Variants in TNKS1BP1 observed in about 807,000 individuals in gnomAD.
The protein encoded by TNKS1BP1 is 182 kDa tankyrase-1-binding protein.
TNKS1BP1 carries 48 observed loss-of-function variants against 141.1 expected under a neutral mutation model. The observed-to-expected ratio is 0.34, with a 90% CI of 0.27 to 0.43. The LOEUF is 0.43. Ranked by LOEUF, TNKS1BP1 falls within the 20% of genes least tolerant of loss-of-function variation. The pLI is 1.00. For missense variants in TNKS1BP1, 2,149 were observed against 2,226.0 expected, an observed-to-expected ratio of 0.97 and a Z score of 0.70; for synonymous variants, 875 against 898.2, an observed-to-expected ratio of 0.97 and a Z score of 0.46.
At chr11:57,316,351 A>G (rs909467020) in intron 4 of TNKS1BP1, among the ~76,000 whole-genome samples, 4 of 152,110 alleles carry the variant, frequency 2.6e-5, no homozygotes, top group African/African-American at 9.7e-5. Context: ...AGTCTTCACA[A>G]GCATTCCTAC....
Position 57,321,886 on chromosome 11 carries a change from C to G in TNKS1BP1, c.-1G>C, listed in dbSNP as rs754753667. On this transcript the variant is annotated 5_prime_UTR_variant, in exon 2 of 12. Transcript: ENST00000358252. ...TTTCCCTGAGAGTAGACACTTTCAT[C>G]ACATGCGGCAGACCCTCCTTGAGAG... is the stretch of plus-strand genomic sequence containing the variant. 1 of 1,613,924 alleles carries G rather than the reference C, an allele frequency of 6.2e-7. No homozygotes were observed. Among genetic ancestry groups the G allele is most frequent in the Non-Finnish European group, 8.5e-7 (1 of 1,179,964 alleles).
intron 1 of TNKS1BP1, among the ~76,000 whole-genome samples, chr11:57,322,934 G>A (rs991470824): frequency 1.2e-4 from 18 of 152,196 alleles, no homozygotes; most frequent in Non-Finnish European, 2.6e-4. Context: ...CAGCCTGGTG[G>A]TAGAAGCCTG....
intron 5 of TNKS1BP1, 125 bp from the exon 6 acceptor site, chr11:57,310,681 T>C (rs1855692684): frequency 4.6e-6 from 6 of 1,301,472 alleles, no homozygotes; most frequent in Non-Finnish European, 6.2e-6. Flanking sequence ...GAAAGCTGTG[T>C]GACCTTGAGC....
chr11:57,310,225 G>A lies in TNKS1BP1; in HGVS notation c.2486C>T (p.Ala829Val). 2 of 1,614,180 alleles carry A rather than the reference G, an allele frequency of 1.2e-6. No homozygotes were observed. Among genetic ancestry groups the A allele is most frequent in the South Asian group, 1.1e-5 (1 of 91,082 alleles). The change falls in exon 6 of 12, where the codon GCC (alanine) becomes GTC (valine). Residue 829 changes from alanine (A) to valine (V), a missense_variant. Physicochemically the swap from Ala to Val is moderately conservative, Grantham distance 64. Coordinates refer to ENST00000358252, the MANE Select transcript of TNKS1BP1 (RefSeq NM_033396.3). ...TAQDRVVGKP[A>V]QLGTQRSQEA... ...CTGGCTCCGCTGAGTGCCAAGCTGG[G>A]CTGGCTTTCCAACTACCCGGTCCTG...
chr11:57,320,009 C>CA, intron 3 of TNKS1BP1, 70 bp downstream of exon 3: 1 of 1,545,308 alleles, frequency 6.5e-7, no homozygotes, highest in Non-Finnish European at 8.8e-7. Flanking sequence ...ACTTGGTCCC[C>CA]AGCCCCCACC....
chr11:57,324,190 C>G (rs1306901377), intron 1 of TNKS1BP1, among the ~76,000 whole-genome samples: 1 of 152,226 alleles, frequency 6.6e-6, no homozygotes, highest in East Asian at 1.9e-4. Flanking sequence ...CCCAGGATCT[C>G]CAGCCGGATC....
intron 6 of TNKS1BP1, among the ~76,000 whole-genome samples, chr11:57,307,296 C>T (rs1208491904): frequency 6.6e-6 from 1 of 152,142 alleles, no homozygotes; most frequent in Non-Finnish European, 1.5e-5. Context: ...CTCCCAACTC[C>T]TAGTCCTGCG....
chr11:57,321,732 AGC>A, intron 2 of TNKS1BP1, 58 bp downstream of exon 2: 1 of 1,246,362 alleles, frequency 8.0e-7, no homozygotes, highest in Non-Finnish European at 1.1e-6. Context: ...AAGAGGGGGC[AGC>A]CTCTGTCCTT....
rs748795276 is a variant in TNKS1BP1, at chr11:57,310,233, T to C, written c.2478A>G (p.Gly826=). 2 of 1,614,024 alleles carry C rather than the reference T, an allele frequency of 1.2e-6. No individual in the cohort carries two copies. Among genetic ancestry groups the C allele is most frequent in the African/African-American group, 2.7e-5 (2 of 74,900 alleles). Residue 826 remains glycine, a synonymous_variant, in exon 6 of 12, where the codon GGA becomes GGG. Transcript: ENST00000358252. ...GVLTAQDRVV[G]KPAQLGTQRS... ...GCTGAGTGCCAAGCTGGGCTGGCTT[T>C]CCAACTACCCGGTCCTGGGCTGTGA...
intron 6 of TNKS1BP1, among the ~76,000 whole-genome samples, chr11:57,304,823 G>C (rs980748325): frequency 4.6e-5 from 6 of 131,586 alleles, no homozygotes; most frequent in African/African-American, 1.6e-4. Flanking sequence ...AGTGAGCCAA[G>C]ACCGCGCCAC....
chr11:57,313,313 C>T lies in TNKS1BP1; in HGVS notation c.1375G>A (p.Ala459Thr). ...ALPQGQGSQL[A>T]LDRPFGAESN... is the part of the protein sequence containing the mutation. ...TCTGCCCCAAAGGGACGATCCAGGGCCAACTGGCTCCCCTGGCCTTGGGGC... is the reference window on the plus strand; with the variant it reads ...TCTGCCCCAAAGGGACGATCCAGGGTCAACTGGCTCCCCTGGCCTTGGGGC... Residue 459 changes from alanine to threonine, a missense_variant, in exon 5 of 12, where the codon GCC (alanine) becomes ACC (threonine). Transcript: ENST00000358252. The T allele has an allele frequency of 6.2e-7, 1 of 1,612,982 alleles. No individual in the cohort carries two copies. The highest frequency in any genetic ancestry group is 8.5e-7 in the Non-Finnish European group (1 of 1,179,964).
intron 9 of TNKS1BP1, among the ~76,000 whole-genome samples, chr11:57,301,433 T>A (rs954611057): frequency 6.6e-6 from 1 of 151,730 alleles, no homozygotes; most frequent in Non-Finnish European, 1.5e-5. Context: ...TCCCTTCCCA[T>A]CCCCCTCCAC....
At chr11:57,323,105 G>T (rs140715111) in intron 1 of TNKS1BP1, among the ~76,000 whole-genome samples, 4 of 152,134 alleles carry the variant, frequency 2.6e-5, no homozygotes, top group Non-Finnish European at 2.9e-5. Flanking sequence ...AATAGGCTTA[G>T]CACAATGCCT....
Position 57,308,510 on chromosome 11 carries a change from C to G in TNKS1BP1, c.4201G>C (p.Val1401Leu), listed in dbSNP as rs760079789. ...RDPLEARELG[V>L]GETSGPETQG... is the part of the protein sequence containing the mutation. Reference sequence around the variant, plus strand: ...GTCTCTGGCCCACTTGTCTCACCAACCCCCAGCTCCCTGGCCTCCAAGGGG... The same window carrying G: ...GTCTCTGGCCCACTTGTCTCACCAAGCCCCAGCTCCCTGGCCTCCAAGGGG... Residue 1401 changes from valine to leucine, a missense_variant, in exon 6 of 12, where the codon GTT becomes CTT. Physicochemically the swap from Val to Leu is conservative, Grantham distance 32. Transcript: ENST00000358252. The G allele has an allele frequency of 1.6e-5, 26 of 1,614,182 alleles. No individual in the cohort carries two copies. The highest frequency in any genetic ancestry group is 2.2e-5 in the Non-Finnish European group (26 of 1,180,030).
intron 6 of TNKS1BP1, among the ~76,000 whole-genome samples, chr11:57,304,872 C>CAG (rs746084527): frequency 1.4e-5 from 1 of 72,746 alleles, no homozygotes; most frequent in African/African-American, 6.3e-5. Flanking sequence ...AACTCCGTCT[C>CAG]AAAAAAAAAA....
chr11:57,308,399 C>A lies in TNKS1BP1; in HGVS notation c.4312G>T (p.Ala1438Ser). ...METGEALSFG[A>S]SPGRCPARPP... The stretch of plus-strand genomic sequence containing the variant: ...GGATGGGGCTCCGTTCATTACCTTG[C>A]TCCGAAGCTGAGGGCTTCTCCTGTC... The change falls in exon 6 of 12, where the codon GCA becomes TCA. Residue 1438 changes from alanine (A) to serine (S), a missense_variant. Transcript: ENST00000358252. 6.2e-7 allele frequency: 1 copy of A among 1,612,598 alleles called. No homozygotes were observed. Among genetic ancestry groups the A allele is most frequent in the Non-Finnish European group, 8.5e-7 (1 of 1,178,988 alleles).
Position 57,310,525 on chromosome 11 carries a change from T to C in TNKS1BP1, c.2186A>G (p.Gln729Arg). The change falls in exon 6 of 12, where the codon CAG (glutamine) becomes CGG (arginine). Residue 729 changes from glutamine (Q) to arginine (R), a missense_variant. Physicochemically the swap from Gln to Arg is conservative, Grantham distance 43. Transcript: ENST00000358252. ...GLLGWSQKDLQSEFGITGDPQ... is the reference protein window; with the variant it reads ...GLLGWSQKDLRSEFGITGDPQ... ...GTCTCCTGTGATCCCAAATTCACTC[T>C]GCAGATCTTTCTGGGACCAGCCAAG... The C allele has an allele frequency of 6.2e-7, 1 of 1,605,890 alleles. No individual in the cohort carries two copies. Among genetic ancestry groups the C allele is most frequent in the South Asian group, 1.1e-5 (1 of 91,060 alleles).
intron 4 of TNKS1BP1, among the ~76,000 whole-genome samples, chr11:57,315,411 C>G (rs1855783352): frequency 6.6e-6 from 1 of 152,084 alleles, no homozygotes. Context: ...ACTCCCTCAT[C>G]TGCTTCATCA....
chr11:57,307,647 T>C (rs893748586), intron 6 of TNKS1BP1, among the ~76,000 whole-genome samples: 1 of 152,144 alleles, frequency 6.6e-6, no homozygotes, highest in Non-Finnish European at 1.5e-5. Flanking sequence ...CATTTTCTGC[T>C]CACTAAAGGG....
Sources: gnomAD v4.1 joint callset for allele counts (sites outside exome capture counted in the v4.1 genomes callset) on GRCh38, gnomAD v4.1.1 for gene constraint, MANE v1.5 for transcripts, NCBI Gene and HGNC (gene_info 2026-07-23, HGNC 2026-07-21) for gene names.